PTPRG: variants seen among roughly 807,000 people sequenced by gnomAD.
The protein encoded by PTPRG is protein tyrosine phosphatase receptor type G, also known as receptor-type tyrosine-protein phosphatase gamma.
Under a neutral mutation model 165.3 loss-of-function variants are expected in PTPRG, and 102 were observed. The observed-to-expected ratio is 0.62, with a 90% CI of 0.53 to 0.73. PTPRG has a LOEUF of 0.73. Among genes scored for constraint, PTPRG ranks in the 30% least tolerant of loss-of-function variants. PTPRG has a pLI of 0.00. For missense variants in PTPRG, 1,866 were observed against 1,861.4 expected (o/e 1.00, Z -0.05); for synonymous variants, 675 against 669.5 (o/e 1.01, Z -0.13).
intron 6 of PTPRG, among the ~76,000 whole-genome samples, chr3:62,135,559 A>G (rs1703677010): frequency 6.6e-6 from 1 of 152,156 alleles, no homozygotes; most frequent in Admixed American, 6.5e-5. Context: ...AGCATCTTAA[A>G]TGTTTCTTCA....
At chr3:62,068,614 T>A (rs779626478) in intron 4 of PTPRG, among the ~76,000 whole-genome samples, 12 of 152,210 alleles carry the variant, frequency 7.9e-5, no homozygotes, top group Non-Finnish European at 1.0e-4. Context: ...TAGCTAGAAC[T>A]ACTGGTCTAT....
intron 4 of PTPRG, among the ~76,000 whole-genome samples, chr3:62,016,382 G>T (rs2041544465): frequency 6.6e-6 from 1 of 152,040 alleles, no homozygotes; most frequent in African/African-American, 2.4e-5. Flanking sequence ...TGGCCAGGCT[G>T]GTCTCGAACT....
chr3:61,958,211 C>T (rs1236937688), intron 2 of PTPRG, among the ~76,000 whole-genome samples: 2 of 152,126 alleles, frequency 1.3e-5, no homozygotes. Context: ...ACTGCAACCT[C>T]TGCCTCCCGA....
intron 4 of PTPRG, among the ~76,000 whole-genome samples, chr3:62,014,321 A>T (rs1485440504): frequency 6.6e-6 from 1 of 152,096 alleles, no homozygotes; most frequent in Non-Finnish European, 1.5e-5. Flanking sequence ...ACTGCTCTGG[A>T]TACGTTTACT....
intron 2 of PTPRG, among the ~76,000 whole-genome samples, chr3:61,937,464 T>C (rs2039508233): frequency 1.3e-5 from 2 of 152,208 alleles, no homozygotes; most frequent in South Asian, 4.1e-4. Flanking sequence ...CTAGATATTA[T>C]CAGATCCCAA....
chr3:61,580,526 G>A (rs919968343), intron 1 of PTPRG, among the ~76,000 whole-genome samples: 5 of 151,828 alleles, frequency 3.3e-5, no homozygotes, highest in African/African-American at 9.7e-5. Flanking sequence ...TAGTAGAGAC[G>A]GCGTTTCACC....
At chr3:62,178,859 G>T (rs145873446) in intron 8 of PTPRG, among the ~76,000 whole-genome samples, 235 of 152,340 alleles carry the variant, frequency 1.5e-3, no homozygotes, top group African/African-American at 5.4e-3. Flanking sequence ...GTTTACTTGT[G>T]TGGGCACCAT....
At chr3:61,719,340 C>T (rs2031950014) in intron 1 of PTPRG, among the ~76,000 whole-genome samples, 1 of 152,202 alleles carries the variant, frequency 6.6e-6, no homozygotes, top group Admixed American at 6.5e-5. Flanking sequence ...TATCAAGCCC[C>T]TGCGCCTTGG....
intron 16 of PTPRG, chr3:62,262,316 A>G (rs1559721638): frequency 6.6e-6 from 1 of 152,410 alleles, no homozygotes; most frequent in East Asian, 1.9e-4. Flanking sequence ...AAATGAGGCT[A>G]TAAGGCCTGT....
At chr3:62,179,179 C>T (rs529860756) in intron 8 of PTPRG, among the ~76,000 whole-genome samples, 41 of 152,274 alleles carry the variant, frequency 2.7e-4, no homozygotes, top group African/African-American at 9.9e-4. Flanking sequence ...TCTCCCTGCC[C>T]CTGAAGCCTG....
At chr3:62,081,524 T>C (rs1701581105) in intron 5 of PTPRG, among the ~76,000 whole-genome samples, 1 of 152,022 alleles carries the variant, frequency 6.6e-6, no homozygotes, top group South Asian at 2.1e-4. Flanking sequence ...TCTTATTTTT[T>C]TGTAGAGACA....
intron 2 of PTPRG, among the ~76,000 whole-genome samples, chr3:61,906,925 G>A (rs1051976447): frequency 2.0e-5 from 3 of 152,070 alleles, no homozygotes; most frequent in African/African-American, 2.4e-5. Flanking sequence ...TTAAAAAAAG[G>A]TGTCCTGGTT....
At chr3:61,690,240 A>G (rs2030107946) in intron 1 of PTPRG, among the ~76,000 whole-genome samples, 2 of 152,210 alleles carry the variant, frequency 1.3e-5, no homozygotes. Flanking sequence ...CTTCTTGGAA[A>G]TGCAGAGGCC....
intron 4 of PTPRG, among the ~76,000 whole-genome samples, chr3:62,063,874 G>A (rs1700907446): frequency 6.6e-6 from 1 of 152,104 alleles, no homozygotes; most frequent in Admixed American, 6.5e-5. Context: ...TTTCATTGTG[G>A]TAAAAGATAC....
At chr3:61,910,708 T>C (rs2038779647) in intron 2 of PTPRG, among the ~76,000 whole-genome samples, 1 of 152,178 alleles carries the variant, frequency 6.6e-6, no homozygotes, top group Admixed American at 6.5e-5. Flanking sequence ...CTTTTAACAA[T>C]CCAAGGCTGT....
intron 1 of PTPRG, among the ~76,000 whole-genome samples, chr3:61,716,724 G>C (rs1405222067): frequency 6.6e-6 from 1 of 152,186 alleles, no homozygotes; most frequent in Non-Finnish European, 1.5e-5. Flanking sequence ...TGTAATCCTA[G>C]CACTTTGGAA....
chr3:61,801,677 G>C (rs1456511958), intron 2 of PTPRG, among the ~76,000 whole-genome samples: 1 of 152,104 alleles, frequency 6.6e-6, no homozygotes, highest in African/African-American at 2.4e-5. Flanking sequence ...GTTTCTCTCT[G>C]TTTCTGGGCT....
intron 2 of PTPRG, among the ~76,000 whole-genome samples, chr3:61,780,238 G>T (rs1199723932): frequency 6.6e-6 from 1 of 152,144 alleles, no homozygotes; most frequent in Non-Finnish European, 1.5e-5. Context: ...GCAGCTCTGG[G>T]TAATGACAAT....
At chr3:62,055,352 T>C (rs554817010) in intron 4 of PTPRG, among the ~76,000 whole-genome samples, 17 of 152,308 alleles carry the variant, frequency 1.1e-4, no homozygotes, top group Admixed American at 2.0e-4. Flanking sequence ...GCTTAAATCA[T>C]TGAGGCTGGG....
Sources: gnomAD v4.1 joint callset for allele counts (sites outside exome capture counted in the v4.1 genomes callset) on GRCh38, gnomAD v4.1.1 for gene constraint, MANE v1.5 for transcripts, NCBI Gene and HGNC (gene_info 2026-07-23, HGNC 2026-07-21) for gene names.